The following NAV2 variants were observed in gnomAD, a reference collection of about 807,000 sequenced individuals.
NAV2 encodes helicase, APC down-regulated 1.
NAV2 carries 54 observed loss-of-function variants against 223.2 expected under a neutral mutation model. The observed-to-expected ratio is 0.24, with a 90% confidence interval of 0.19 to 0.30. The LOEUF is 0.30. Among genes scored for constraint, NAV2 ranks in the 10% least tolerant of loss-of-function variants. NAV2 has a pLI of 1.00. For synonymous variants in NAV2, 1,279 were observed against 1,239.3 expected, an observed-to-expected ratio of 1.03 and a Z score of -0.67; for missense variants, 2,806 against 3,147.5, an observed-to-expected ratio of 0.89 and a Z score of 2.60.
At chr11:19,515,734 G>T (rs948149942) in intron 1 of NAV2, among the ~76,000 whole-genome samples, 2 of 152,182 alleles carry the variant, frequency 1.3e-5, no homozygotes, top group Admixed American at 6.5e-5. Context: ...AACTCTGTAA[G>T]GCAGTTACTG....
chr11:19,633,779 G>T (rs1285010597), intron 1 of NAV2, among the ~76,000 whole-genome samples: 1 of 152,214 alleles, frequency 6.6e-6, no homozygotes, highest in African/African-American at 2.4e-5. Flanking sequence ...TTCGGCCTTT[G>T]CTCCATAAAG....
chr11:19,638,252 T>C (rs2047559573), intron 1 of NAV2, among the ~76,000 whole-genome samples: 3 of 152,228 alleles, frequency 2.0e-5, no homozygotes, highest in Admixed American at 2.0e-4. Context: ...AGTTTGCTAC[T>C]GGGCATAAAA....
intron 1 of NAV2, among the ~76,000 whole-genome samples, chr11:19,583,959 C>T (rs750376914): frequency 3.3e-5 from 5 of 152,176 alleles, no homozygotes; most frequent in Non-Finnish European, 7.3e-5. Context: ...ATGGTACCAG[C>T]TCCTCCTTGT....
At chr11:19,357,815 C>T (rs923854856) in intron 1 of NAV2, among the ~76,000 whole-genome samples, 15 of 152,184 alleles carry the variant, frequency 9.9e-5, no homozygotes, top group Non-Finnish European at 2.2e-4. Flanking sequence ...TCTTTCCACA[C>T]GTTAAATTAC....
intron 6 of NAV2, among the ~76,000 whole-genome samples, chr11:19,921,212 G>C (rs1428119783): frequency 1.3e-5 from 2 of 152,174 alleles, no homozygotes; most frequent in African/African-American, 4.8e-5. Context: ...GGCAGAATCA[G>C]GATAAATGAC....
In NAV2 at chr11:20,050,230, A is replaced by G. The variant is rs566041869; in HGVS notation, c.4436+329A>G. On this transcript the variant is annotated intron_variant, in intron 16 of 37. Coordinates refer to ENST00000349880, the MANE Select transcript of NAV2 (RefSeq NM_145117.5). ...GTTCCTGCTTTTCAGCTTCCTTCCCATTCCTTTTGCCACCCCCAACCCCAA... is the reference window on the plus strand; with the variant it reads ...GTTCCTGCTTTTCAGCTTCCTTCCCGTTCCTTTTGCCACCCCCAACCCCAA... Among the ~76,000 whole-genome samples, 10 of 151,878 alleles carry G rather than the reference A, an allele frequency of 6.6e-5. No homozygotes were observed. The East Asian group carries it at 1.5e-3, about 24-fold the overall frequency.
intron 13 of NAV2, among the ~76,000 whole-genome samples, chr11:20,044,541 G>A (rs997795340): frequency 1.3e-5 from 2 of 152,188 alleles, no homozygotes; most frequent in Non-Finnish European, 2.9e-5. Context: ...GCCAGTTCAG[G>A]CTATTCAACA....
chr11:19,692,506 T>C (rs552867838), intron 1 of NAV2, among the ~76,000 whole-genome samples: 4 of 152,366 alleles, frequency 2.6e-5, no homozygotes, highest in African/African-American at 9.6e-5. Context: ...TCCTGATTAA[T>C]GGTATTTTCT....
chr11:19,984,313 G>T lies in NAV2; in HGVS notation c.2768+66G>T, dbSNP rs1362508290. On this transcript the variant is annotated intron_variant, in intron 11 of 37. Transcript: ENST00000349880. ...ATCCCAGGGGGGCCCTGAGAAATGA[G>T]GGTTATGATATTGGGAGAGTGAATG... 9.3e-6 allele frequency: 15 copies of T among 1,608,456 alleles called. No homozygotes were observed. The East Asian group carries it at 3.3e-4, about 36-fold the overall frequency.
chr11:19,950,598 G>A (rs7947386), intron 10 of NAV2, among the ~76,000 whole-genome samples: 3,206 of 152,308 alleles, frequency 0.021, 98 homozygotes, highest in African/African-American at 0.073. Flanking sequence ...AGGCATAGAG[G>A]TGCTTTGGTT....
chr11:19,587,920 C>T (rs1334977200), intron 1 of NAV2, among the ~76,000 whole-genome samples: 1 of 152,172 alleles, frequency 6.6e-6, no homozygotes, highest in Non-Finnish European at 1.5e-5. Context: ...AGCCTTGAGG[C>T]CATAAAAAAT....
At chr11:19,979,122 C>T (rs2050073754) in intron 10 of NAV2, 1 of 152,190 alleles carries the variant, frequency 6.6e-6, no homozygotes, top group African/African-American at 2.4e-5. Context: ...TGAGGACTAC[C>T]CTTCAAGTCT....
At chr11:20,106,175 A>G (rs28669099) in intron 35 of NAV2, among the ~76,000 whole-genome samples, 1,557 of 35,788 alleles carry the variant, frequency 0.044, 156 homozygotes, top group East Asian at 0.15. Flanking sequence ...ATATATATAT[A>G]TGTGTGTGTA....
chr11:19,365,912 T>C (rs1848261294), intron 1 of NAV2, among the ~76,000 whole-genome samples: 1 of 152,238 alleles, frequency 6.6e-6, no homozygotes, highest in Non-Finnish European at 1.5e-5. Flanking sequence ...TGAAAACTCC[T>C]GGTCTTTGTC....
chr11:19,777,959 C>T (rs1278071641), intron 1 of NAV2: 1 of 455,676 alleles, frequency 2.2e-6, no homozygotes, highest in Non-Finnish European at 4.4e-6. Context: ...TTTGGCTTGT[C>T]TGTGGGGAAT....
At chr11:19,904,728 A>G (rs1385422647) in intron 6 of NAV2, among the ~76,000 whole-genome samples, 2 of 152,198 alleles carry the variant, frequency 1.3e-5, no homozygotes, top group East Asian at 3.8e-4. Flanking sequence ...CCATATGTAT[A>G]TTGTGAAAAG....
rs561141114 is a variant in NAV2, at chr11:19,878,708, G to C, written c.512-1161G>C. On this transcript the variant is annotated intron_variant, in intron 4 of 37. Transcript: ENST00000349880. Reference sequence around the variant, plus strand: ...CTGACCTAATCAGCAAATCACACTGGGGGGAAGGCACTGGCAGGGCGCACT... The same window carrying C: ...CTGACCTAATCAGCAAATCACACTGCGGGGAAGGCACTGGCAGGGCGCACT... 3.3e-4 allele frequency among the ~76,000 whole-genome samples: 50 copies of C among 152,252 alleles called. 1 individual carries two copies. The highest frequency in any genetic ancestry group is 5.7e-4 in the Non-Finnish European group (39 of 68,012).
At chr11:19,771,803 C>T (rs73429783) in intron 1 of NAV2, among the ~76,000 whole-genome samples, 1,894 of 152,206 alleles carry the variant, frequency 0.012, 37 homozygotes, top group African/African-American at 0.043. Flanking sequence ...TTTCTGGGGG[C>T]GTATTCATTC....
intron 5 of NAV2, among the ~76,000 whole-genome samples, chr11:19,891,812 T>A (rs186429163): frequency 6.6e-6 from 1 of 152,248 alleles, no homozygotes; most frequent in East Asian, 1.9e-4. Flanking sequence ...TTTATACCTA[T>A]CAGAAGAGAT....
Sources: gnomAD v4.1 joint callset for allele counts (sites outside exome capture counted in the v4.1 genomes callset) on GRCh38, gnomAD v4.1.1 for gene constraint, MANE v1.5 for transcripts, NCBI Gene and HGNC (gene_info 2026-07-23, HGNC 2026-07-21) for gene names.